PRKCZ: variants seen among roughly 807,000 people sequenced by gnomAD.
PRKCZ encodes the protein protein kinase C zeta.
Under a neutral mutation model 79.5 loss-of-function variants are expected in PRKCZ, and 33 were observed. The observed-to-expected ratio is 0.41, with a 90% CI of 0.31 to 0.55. PRKCZ has a LOEUF of 0.55. PRKCZ is among the 20% of genes least tolerant of loss of function. The pLI is 0.19. For synonymous variants in PRKCZ, 342 were observed against 320.9 expected, an observed-to-expected ratio of 1.07 and a Z score of -0.70; for missense variants, 578 against 813.5, an observed-to-expected ratio of 0.71 and a Z score of 3.52.
chr1:2,055,303 G>C, intron 1 of PRKCZ, 138 bp from the exon 2 acceptor site: 1 of 1,058,186 alleles, frequency 9.5e-7, no homozygotes, highest in Non-Finnish European at 1.3e-6. Flanking sequence ...GTGGGAGGGG[G>C]GAGGGGGTGG....
intron 4 of PRKCZ, 106 bp from the exon 5 acceptor site, chr1:2,135,156 G>C (rs945168004): frequency 1.1e-6 from 1 of 930,736 alleles, no homozygotes; most frequent in Non-Finnish European, 1.6e-6. Flanking sequence ...CTGGGAGGAC[G>C]CTGCGGCCGC....
intron 4 of PRKCZ, among the ~76,000 whole-genome samples, chr1:2,087,502 C>CGAG (rs1664728498): frequency 6.6e-6 from 1 of 152,144 alleles, no homozygotes; most frequent in African/African-American, 2.4e-5. Context: ...GATGGCATCC[C>CGAG]GAGGTGCCAG....
rs1215703691 is a variant in PRKCZ at position 2,156,051 on chromosome 1, C to G, written c.933C>G (p.Pro311=). 2 of 1,613,888 alleles carry G rather than the reference C, an allele frequency of 1.2e-6. No individual in the cohort carries two copies. The highest frequency in any genetic ancestry group is 4.5e-5 in the East Asian group (2 of 44,882). ...TGTTTGAGCAGGCATCCAGCAACCC[C>G]TTCCTGGTCGGATTACACTCCTGCT... ...KHVFEQASSN[P]FLVGLHSCFQ... is the part of the protein sequence containing the mutation. The change falls in exon 10 of 18, where the codon CCC becomes CCG. Residue 311 remains proline (P), a synonymous_variant. Coordinates refer to ENST00000378567, the MANE Select transcript of PRKCZ (RefSeq NM_002744.6).
chr1:2,144,372 G>A (rs773074478), intron 6 of PRKCZ, 31 bp downstream of exon 6: 3 of 1,552,926 alleles, frequency 1.9e-6, no homozygotes, highest in South Asian at 1.2e-5. Flanking sequence ...GGCCCGGGGG[G>A]CACGGGCGGG....
In PRKCZ at chr1:2,165,582, T is replaced by C. The variant is rs1316720466; in HGVS notation, c.975-3936T>C. Among the ~76,000 whole-genome samples the C allele has an allele frequency of 6.6e-6, 1 of 152,192 alleles. No individual in the cohort carries two copies. Among genetic ancestry groups the C allele is most frequent in the Non-Finnish European group, 1.5e-5 (1 of 68,022 alleles). On this transcript the variant is annotated intron_variant, in intron 10 of 17. Transcript: ENST00000378567. This position sits in a 1 kb window ranked among gnomAD's most constrained non-coding sequence, Gnocchi z 4.1. The stretch of plus-strand genomic sequence containing the variant: ...GTCTTAAAGGGTCAGGCAGTAAATA[T>C]TTCCACCTTTGTGGGCCATGCGGCC...
chr1:2,050,463 C>A lies in PRKCZ; in HGVS notation c.-168C>A, dbSNP rs1444012826. 28 of 249,572 alleles carry A rather than the reference C, an allele frequency of 1.1e-4. No homozygotes were observed. The highest frequency in any genetic ancestry group is 1.1e-3 in the East Asian group (11 of 10,032). The allele number at this position is 249,572 out of a possible 1,614,324, so 15.5% of individuals were successfully genotyped here. A position where few individuals can be genotyped will look rare whatever the true frequency, so the allele number is the denominator to read the frequency against. On this transcript the variant is annotated 5_prime_UTR_variant, in exon 1 of 18. Transcript: ENST00000378567. ...GGACGGTCCCGCCCCGCGCGCCCCC[C>A]GCTCCCGCCCCGCGCGCCGCCGGAG... is the stretch of plus-strand genomic sequence containing the variant.
intron 4 of PRKCZ, among the ~76,000 whole-genome samples, chr1:2,060,611 G>A (rs534224264): frequency 2.7e-4 from 41 of 152,348 alleles, no homozygotes; most frequent in African/African-American, 9.4e-4. Context: ...AGAGGGCGGC[G>A]TGGCATCCCG....
At chr1:2,137,841 A>G (rs1191617753) in intron 5 of PRKCZ, among the ~76,000 whole-genome samples, 1 of 152,028 alleles carries the variant, frequency 6.6e-6, no homozygotes, top group East Asian at 1.9e-4. Flanking sequence ...TGGCAGGTGG[A>G]CCCACCACAG....
chr1:2,140,379 G>A (rs937857446), intron 5 of PRKCZ, among the ~76,000 whole-genome samples: 5 of 152,206 alleles, frequency 3.3e-5, no homozygotes, highest in Non-Finnish European at 7.3e-5. Flanking sequence ...GAGGCCGGGC[G>A]CGGTGGCTCA....
intron 1 of PRKCZ, among the ~76,000 whole-genome samples, chr1:2,053,272 T>C (rs1284526355): frequency 2.0e-5 from 3 of 152,120 alleles, no homozygotes; most frequent in Non-Finnish European, 4.4e-5. Context: ...GGTTAACTTT[T>C]GTAGTTTTAG....
rs1395108545 is a variant in PRKCZ at position 2,165,441 on chromosome 1, A to G, written c.975-4077A>G. Among the ~76,000 whole-genome samples the G allele has an allele frequency of 6.6e-6, 1 of 152,122 alleles. No individual in the cohort carries two copies. Among genetic ancestry groups the G allele is most frequent in the Non-Finnish European group, 1.5e-5 (1 of 68,008 alleles). Reference sequence around the variant, plus strand: ...AACCTGTCTGTGCCTCGGCTTCCCCATCTGTAAAATGGCGAGAGCTGAACT... The same window carrying G: ...AACCTGTCTGTGCCTCGGCTTCCCCGTCTGTAAAATGGCGAGAGCTGAACT... On this transcript the variant is annotated intron_variant, in intron 10 of 17. Coordinates refer to ENST00000378567, the MANE Select transcript of PRKCZ (RefSeq NM_002744.6). This position sits in a 1 kb window ranked among gnomAD's most constrained non-coding sequence, Gnocchi z 4.1.
At chr1:2,077,397 T>A (rs2102353035) in intron 4 of PRKCZ, among the ~76,000 whole-genome samples, 1 of 152,312 alleles carries the variant, frequency 6.6e-6, no homozygotes, top group African/African-American at 2.4e-5. Context: ...CACTGGCAGC[T>A]CAGCCGCATC....
intron 4 of PRKCZ, among the ~76,000 whole-genome samples, chr1:2,112,116 C>T (rs1445118922): frequency 1.3e-5 from 2 of 152,176 alleles, no homozygotes; most frequent in Admixed American, 1.3e-4. Context: ...ATGTGGTTTC[C>T]AGCAGAGCTT....
At chr1:2,137,507 G>A (rs890545639) in intron 5 of PRKCZ, among the ~76,000 whole-genome samples, 2 of 152,186 alleles carry the variant, frequency 1.3e-5, no homozygotes, top group East Asian at 1.9e-4. Context: ...TCCTTCCCCC[G>A]CAGCCACTGG....
rs1185989251 is a variant in PRKCZ, at chr1:2,172,424, C to T, written c.1285+36C>T. ...CTGCCCTGGCCCCTCTCGGAGCACA[C>T]AGGGCCAGAGATGGCTTCGGGCCTG... On this transcript the variant is annotated intron_variant, in intron 13 of 17. Coordinates refer to ENST00000378567, the MANE Select transcript of PRKCZ (RefSeq NM_002744.6). This position sits in a 1 kb window ranked among gnomAD's most constrained non-coding sequence, Gnocchi z 7.8. 1 of 1,591,854 alleles carries T rather than the reference C, an allele frequency of 6.3e-7. No individual in the cohort carries two copies. Among genetic ancestry groups the T allele is most frequent in the East Asian group, 2.3e-5 (1 of 43,982 alleles).
At chr1:2,053,723 T>C (rs1225445519) in intron 1 of PRKCZ, among the ~76,000 whole-genome samples, 2 of 151,994 alleles carry the variant, frequency 1.3e-5, no homozygotes, top group Non-Finnish European at 2.9e-5. Flanking sequence ...AAAGGTGAAG[T>C]GATGGCCGAC....
intron 10 of PRKCZ, among the ~76,000 whole-genome samples, chr1:2,157,879 GT>G (rs1681403507): frequency 1.3e-5 from 2 of 151,920 alleles, no homozygotes; most frequent in East Asian, 3.9e-4. Context: ...GTAGGGAACT[GT>G]TTGCAGTTCA....
intron 4 of PRKCZ, among the ~76,000 whole-genome samples, chr1:2,117,368 T>G (rs1571519230): frequency 1.4e-5 from 1 of 71,578 alleles, no homozygotes; most frequent in Non-Finnish European, 3.1e-5. Flanking sequence ...ACTTTTACAG[T>G]TTTTTTTTTT....
At chr1:2,111,355 G>C (rs1262601938) in intron 4 of PRKCZ, among the ~76,000 whole-genome samples, 5 of 152,022 alleles carry the variant, frequency 3.3e-5, no homozygotes, top group African/African-American at 1.2e-4. Flanking sequence ...CAGGCGGGGT[G>C]GGGGTGCAAC....
Sources: gnomAD v4.1 joint callset for allele counts (sites outside exome capture counted in the v4.1 genomes callset) on GRCh38, gnomAD v4.1.1 for gene constraint, Gnocchi (gnomAD v3.1) non-coding constraint, MANE v1.5 for transcripts, NCBI Gene and HGNC (gene_info 2026-07-23, HGNC 2026-07-21) for gene names.